The following RING1 variants were observed in gnomAD, a reference collection of about 807,000 sequenced individuals.
RING1 encodes the protein E3 ubiquitin-protein ligase RING1.
A neutral mutation model predicts 35.0 loss-of-function variants in RING1; 8 were observed. The observed-to-expected ratio is 0.23, with a 90% CI of 0.13 to 0.41. The LOEUF (loss-of-function observed/expected upper bound fraction) is 0.41, where lower values mean the gene tolerates loss of function less well. Among genes scored for constraint, RING1 ranks in the 10% least tolerant of loss-of-function variants. RING1 has a pLI of 1.00. For synonymous variants in RING1, 214 were observed against 224.3 expected, an observed-to-expected ratio of 0.95 and a Z score of 0.41; for missense variants, 343 against 546.8, an observed-to-expected ratio of 0.63 and a Z score of 3.72.
chr6:33,211,443 A>G lies in RING1; in HGVS notation c.741A>G (p.Pro247=), dbSNP rs893531222. 14 of 1,587,158 alleles carry G rather than the reference A, an allele frequency of 8.8e-6. No homozygotes were observed. The highest frequency in any genetic ancestry group is 5.4e-5 in the African/African-American group (4 of 74,204). The change falls in exon 5 of 7, where the codon CCA becomes CCG. Residue 247 remains proline (P), a synonymous_variant. Transcript: ENST00000374656. This position sits in a 1 kb window ranked among gnomAD's most constrained non-coding sequence, Gnocchi z 6.3. ...TGGGAGGGGGAACGCTGGGCCCCCC[A>G]AGCCCTCCTGGGGCCCCCAGCCCCC... ...GTLGGGTLGP[P]SPPGAPSPPE...
At position 33,211,215 on chromosome 6, in the gene RING1, G is replaced by C. The variant is rs751593771; in HGVS notation, c.513G>C (p.Gly171=). The C allele has an allele frequency of 6.2e-7, 1 of 1,612,958 alleles. No homozygotes were observed. The highest frequency in any genetic ancestry group is 8.5e-7 in the Non-Finnish European group (1 of 1,179,990). ...CAGATCAGACCACAACGATGAGTGG[G>C]GGGGAAGGAGAGCCCGGGGAGGGAG... is the stretch of plus-strand genomic sequence containing the variant. ...PGSDQTTTMS[G]GEGEPGEGEG... The change falls in exon 5 of 7, where the codon GGG becomes GGC. Residue 171 remains glycine, a synonymous_variant. Transcript: ENST00000374656. The surrounding 1 kb of genome is among the most constrained non-coding windows in gnomAD (Gnocchi z 6.3).
intron 6 of RING1, 145 bp from the exon 7 acceptor site, chr6:33,212,153 A>G (rs1775591491): frequency 3.5e-6 from 3 of 868,552 alleles, no homozygotes; most frequent in Non-Finnish European, 3.6e-6. Context: ...CCCATCATCC[A>G]TGTCCTTTTT....
chr6:33,211,445 G>T lies in RING1; in HGVS notation c.743G>T (p.Ser248Ile). Residue 248 changes from serine (S) to isoleucine (I), a missense_variant, in exon 5 of 7, where the codon AGC becomes ATC. Around this residue, in one of 2 missense-constraint regions of RING1, gnomAD observed 278 missense variants for 383.5 expected, o/e 0.72. Coordinates refer to ENST00000374656, the MANE Select transcript of RING1 (RefSeq NM_002931.4). The surrounding 1 kb of genome is among the most constrained non-coding windows in gnomAD (Gnocchi z 6.3). Reference sequence around the variant, plus strand: ...GGAGGGGGAACGCTGGGCCCCCCAAGCCCTCCTGGGGCCCCCAGCCCCCCA... The same window carrying T: ...GGAGGGGGAACGCTGGGCCCCCCAATCCCTCCTGGGGCCCCCAGCCCCCCA... ...TLGGGTLGPP[S>I]PPGAPSPPEP... The T allele has an allele frequency of 6.3e-7, 1 of 1,589,476 alleles. No individual in the cohort carries two copies.
rs1775383686 is a variant in RING1 at position 33,209,472 on chromosome 6, A to G, written c.79-154A>G. On this transcript the variant is annotated intron_variant, in intron 2 of 6. Transcript: ENST00000374656. The surrounding 1 kb of genome is among the most constrained non-coding windows in gnomAD (Gnocchi z 5.1). ...GTCTTTTCTCCATTTGCTCCAAGTCATCAGTCCTTCTCTTTCTCAGAATTC... is the reference window on the plus strand; with the variant it reads ...GTCTTTTCTCCATTTGCTCCAAGTCGTCAGTCCTTCTCTTTCTCAGAATTC... 1.4e-6 allele frequency: 1 copy of G among 691,934 alleles called. No individual in the cohort carries two copies. The highest frequency in any genetic ancestry group is 2.4e-6 in the Non-Finnish European group (1 of 413,842). The allele number at this position is 691,934 out of a possible 1,614,324, so 42.9% of individuals were successfully genotyped here.
In RING1 at chr6:33,211,446, C is replaced by G. The variant is rs1775531432; in HGVS notation, c.744C>G (p.Ser248Arg). The change falls in exon 5 of 7, where the codon AGC becomes AGG. Residue 248 changes from serine to arginine, a missense_variant. Physicochemically the swap from Ser to Arg is moderately radical, Grantham distance 110. Around this residue, in one of 2 missense-constraint regions of RING1, gnomAD observed 278 missense variants for 383.5 expected, o/e 0.72. Coordinates refer to ENST00000374656, the MANE Select transcript of RING1 (RefSeq NM_002931.4). The surrounding 1 kb of genome is among the most constrained non-coding windows in gnomAD (Gnocchi z 6.3). ...GAGGGGGAACGCTGGGCCCCCCAAG[C>G]CCTCCTGGGGCCCCCAGCCCCCCAG... is the stretch of plus-strand genomic sequence containing the variant. The part of the protein sequence containing the change: ...TLGGGTLGPP[S>R]PPGAPSPPEP... 1 of 1,589,214 alleles carries G rather than the reference C, an allele frequency of 6.3e-7. No homozygotes were observed. The highest frequency in any genetic ancestry group is 1.8e-5 in the Admixed American group (1 of 56,238).
intron 6 of RING1, 125 bp from the exon 7 acceptor site, chr6:33,212,173 G>A: frequency 2.3e-6 from 2 of 879,098 alleles, no homozygotes; most frequent in South Asian, 1.7e-5. Context: ...TTGCCTTATC[G>A]CTTTTATTAT....
At position 33,208,664 on chromosome 6, in the gene RING1, C is replaced by T. The variant is rs1003519389; in HGVS notation, c.-59+20C>T. On this transcript the variant is annotated intron_variant, in intron 1 of 6. Transcript: ENST00000374656. This position sits in a 1 kb window ranked among gnomAD's most constrained non-coding sequence, Gnocchi z 6.2. ...AGCTGGGTGAGGGGCAGTGCCGGCG[C>T]GGGGGCGGGAGCGGGGGCGGAGAGG... 6 of 601,464 alleles carry T rather than the reference C, an allele frequency of 1.0e-5. No homozygotes were observed. The highest frequency in any genetic ancestry group is 1.7e-5 in the Non-Finnish European group (6 of 354,746). The allele number at this position is 601,464 out of a possible 1,614,324, so 37.3% of individuals were successfully genotyped here. A position where few individuals can be genotyped will look rare whatever the true frequency, so the allele number is the denominator to read the frequency against.
At chr6:33,212,186 C>CTTTTTTT in intron 6 of RING1, 112 bp from the exon 7 acceptor site, 1 of 917,658 alleles carries the variant, frequency 1.1e-6, no homozygotes, top group Admixed American at 2.2e-5. Context: ...TTTATTATTC[C>CTTTTTTT]TTTTTTCTTT....
Position 33,209,458 on chromosome 6 carries a change from A to G in RING1, c.79-168A>G, listed in dbSNP as rs1403715575. The stretch of plus-strand genomic sequence containing the variant: ...GGACACTAAAGTCTGTCTTTTCTCC[A>G]TTTGCTCCAAGTCATCAGTCCTTCT... On this transcript the variant is annotated intron_variant, in intron 2 of 6. Transcript: ENST00000374656. This position sits in a 1 kb window ranked among gnomAD's most constrained non-coding sequence, Gnocchi z 5.1. 3.2e-5 allele frequency: 21 copies of G among 648,244 alleles called. No individual in the cohort carries two copies. Among genetic ancestry groups the G allele is most frequent in the Non-Finnish European group, 3.7e-5 (14 of 379,672 alleles). The allele number at this position is 648,244 out of a possible 1,614,324, so 40.2% of individuals were successfully genotyped here. A position where few individuals can be genotyped will look rare whatever the true frequency, so the allele number is the denominator to read the frequency against.
rs1382304758 is a variant in RING1 at position 33,209,203 on chromosome 6, T to C, written c.78+303T>C. On this transcript the variant is annotated intron_variant, in intron 2 of 6. Coordinates refer to ENST00000374656, the MANE Select transcript of RING1 (RefSeq NM_002931.4). This position sits in a 1 kb window ranked among gnomAD's most constrained non-coding sequence, Gnocchi z 5.1. Reference sequence around the variant, plus strand: ...GCACATAAGACTCACTTTGGGAGTTTATTAAAAGCAGAGCTTCATGCCCCC... The same window carrying C: ...GCACATAAGACTCACTTTGGGAGTTCATTAAAAGCAGAGCTTCATGCCCCC... 3.2e-6 allele frequency: 2 copies of C among 623,140 alleles called. No homozygotes were observed. Among genetic ancestry groups the C allele is most frequent in the African/African-American group, 1.8e-5 (1 of 55,150 alleles). The allele number at this position is 623,140 out of a possible 1,614,324, so 38.6% of individuals were successfully genotyped here.
intron 4 of RING1, among the ~76,000 whole-genome samples, chr6:33,210,850 G>T (rs1480162412): frequency 1.3e-5 from 2 of 152,146 alleles, no homozygotes; most frequent in Non-Finnish European, 2.9e-5. Context: ...GCTCACAGGG[G>T]ATGTGTATGC....
At position 33,211,599 on chromosome 6, in the gene RING1, T is replaced by A. The variant is rs9469382; in HGVS notation, c.845+52T>A. On this transcript the variant is annotated intron_variant, in intron 5 of 6. Coordinates refer to ENST00000374656, the MANE Select transcript of RING1 (RefSeq NM_002931.4). This position sits in a 1 kb window ranked among gnomAD's most constrained non-coding sequence, Gnocchi z 6.3. The stretch of plus-strand genomic sequence containing the variant: ...ACTGAGAAACCAAAGATCACCTAGA[T>A]TTCCATCAGAAGTGGGCTTTGCCCA... 2 of 1,589,136 alleles carry A rather than the reference T, an allele frequency of 1.3e-6. No homozygotes were observed. Among genetic ancestry groups the A allele is most frequent in the Non-Finnish European group, 1.7e-6 (2 of 1,172,002 alleles).
At position 33,211,142 on chromosome 6, in the gene RING1, C is replaced by A. The variant is rs866195673; in HGVS notation, c.456-16C>A. On this transcript the variant is annotated splice_polypyrimidine_tract_variant and intron_variant, in intron 4 of 6. Transcript: ENST00000374656. The surrounding 1 kb of genome is among the most constrained non-coding windows in gnomAD (Gnocchi z 6.3). ...TATCCTGGATGCCTTCTAACCTTAA[C>A]CACTTGCTTCTACAGGGCCCAGCGT... 71 of 1,573,692 alleles carry A rather than the reference C, an allele frequency of 4.5e-5. No homozygotes were observed. Among genetic ancestry groups the A allele is most frequent in the Non-Finnish European group, 5.9e-5 (68 of 1,155,382 alleles).
At chr6:33,210,161 T>G (rs1775422265) in intron 4 of RING1, 31 bp downstream of exon 4, 2 of 1,600,604 alleles carry the variant, frequency 1.2e-6, no homozygotes, top group African/African-American at 2.7e-5. Flanking sequence ...GCAGAACTGA[T>G]GGGATGGGTC....
In RING1 at chr6:33,211,755, C is replaced by A; in HGVS notation, c.872C>A (p.Thr291Lys). ...TATGTGAAGACAACTGGGAATGCCA[C>A]AGTGGACCACCTCTCCAAGTACTTG... Reference protein sequence around the residue: ...TRYVKTTGNATVDHLSKYLAL... With the variant: ...TRYVKTTGNAKVDHLSKYLAL... The change falls in exon 6 of 7, where the codon ACA becomes AAA. Residue 291 changes from threonine (T) to lysine (K), a missense_variant. Physicochemically the swap from Thr to Lys is moderately conservative, Grantham distance 78. Coordinates refer to ENST00000374656, the MANE Select transcript of RING1 (RefSeq NM_002931.4). This position sits in a 1 kb window ranked among gnomAD's most constrained non-coding sequence, Gnocchi z 6.3. The A allele has an allele frequency of 6.4e-7, 1 of 1,554,884 alleles. No individual in the cohort carries two copies. The highest frequency in any genetic ancestry group is 1.2e-5 in the South Asian group (1 of 81,576).
In RING1 at chr6:33,209,820, G is replaced by A. The variant is rs751357270; in HGVS notation, c.239+34G>A. 6.2e-7 allele frequency: 1 copy of A among 1,604,536 alleles called. No homozygotes were observed. Among genetic ancestry groups the A allele is most frequent in the South Asian group, 1.1e-5 (1 of 90,898 alleles). On this transcript the variant is annotated intron_variant, in intron 3 of 6. Transcript: ENST00000374656. The surrounding 1 kb of genome is among the most constrained non-coding windows in gnomAD (Gnocchi z 5.1). ...AGAGACATGTTTGAGATGAGATGAA[G>A]GGGTACAAAGTTAGGGCCCTCTCAC...
At position 33,209,474 on chromosome 6, in the gene RING1, C is replaced by T; in HGVS notation, c.79-152C>T. ...CTTTTCTCCATTTGCTCCAAGTCAT[C>T]AGTCCTTCTCTTTCTCAGAATTCTT... On this transcript the variant is annotated intron_variant, in intron 2 of 6. Transcript: ENST00000374656. The surrounding 1 kb of genome is among the most constrained non-coding windows in gnomAD (Gnocchi z 5.1). 1 of 695,738 alleles carries T rather than the reference C, an allele frequency of 1.4e-6. No homozygotes were observed. The highest frequency in any genetic ancestry group is 2.4e-6 in the Non-Finnish European group (1 of 416,952). The allele number at this position is 695,738 out of a possible 1,614,324, so 43.1% of individuals were successfully genotyped here.
rs1330119680 is a variant in RING1, at chr6:33,208,985, A to C, written c.78+85A>C. On this transcript the variant is annotated intron_variant, in intron 2 of 6. Coordinates refer to ENST00000374656, the MANE Select transcript of RING1 (RefSeq NM_002931.4). The surrounding 1 kb of genome is among the most constrained non-coding windows in gnomAD (Gnocchi z 6.2). ...CGCATCACACAGCTTCTTTTCCGTA[A>C]TTTGCTCTATTCTGCCTTGCCTGGC... 2 of 1,152,814 alleles carry C rather than the reference A, an allele frequency of 1.7e-6. No individual in the cohort carries two copies. The highest frequency in any genetic ancestry group is 2.6e-5 in the South Asian group (2 of 76,644). The allele number at this position is 1,152,814 out of a possible 1,614,324, so 71.4% of individuals were successfully genotyped here.
chr6:33,209,775 C>T lies in RING1; in HGVS notation c.228C>T (p.Ala76=), dbSNP rs754288952. The T allele has an allele frequency of 1.9e-6, 3 of 1,613,868 alleles. No homozygotes were observed. In the Admixed American group the frequency reaches 5.0e-5, roughly 27 times the overall value. ...TCTGCTCTGACTGCATTGTCACAGCCCTACGGAGCGGGTAATAGGAGAGAC... is the reference window on the plus strand; with the variant it reads ...TCTGCTCTGACTGCATTGTCACAGCTCTACGGAGCGGGTAATAGGAGAGAC... ...HRFCSDCIVT[A]LRSGNKECPT... is the part of the protein sequence containing the mutation. Residue 76 remains alanine, a synonymous_variant, in exon 3 of 7, where the codon GCC becomes GCT. Transcript: ENST00000374656. This position sits in a 1 kb window ranked among gnomAD's most constrained non-coding sequence, Gnocchi z 5.1.
Sources: gnomAD v4.1 joint callset for allele counts (sites outside exome capture counted in the v4.1 genomes callset) on GRCh38, gnomAD v4.1.1 for gene constraint, gnomAD v4.1.1 regional missense constraint, Gnocchi (gnomAD v3.1) non-coding constraint, MANE v1.5 for transcripts, NCBI Gene and HGNC (gene_info 2026-07-23, HGNC 2026-07-21) for gene names.